PCDHA3: variants seen among roughly 807,000 people sequenced by gnomAD.
PCDHA3 encodes protocadherin alpha 3.
A neutral mutation model predicts 62.2 loss-of-function variants in PCDHA3; 41 were observed. The ratio of observed to expected loss-of-function variants is 0.66; its 90% CI spans 0.51 to 0.86. PCDHA3 has a LOEUF of 0.86. PCDHA3 is among the 40% of genes least tolerant of loss of function. The pLI, the probability that PCDHA3 is intolerant of heterozygous loss-of-function variation, is 0.00. For missense variants in PCDHA3, 1,304 were observed against 1,241.2 expected, an observed-to-expected ratio of 1.05 and a Z score of -0.76; for synonymous variants, 640 against 555.4, an observed-to-expected ratio of 1.15 and a Z score of -2.14.
chr5:140,829,517 A>G, intron 1 of PCDHA3: 1 of 1,613,440 alleles, frequency 6.2e-7, no homozygotes. Context: ...CCACATCTTC[A>G]CGGTGTCTGC....
chr5:140,927,313 G>A (rs1229449253), intron 1 of PCDHA3: 6 of 1,614,074 alleles, frequency 3.7e-6, no homozygotes, highest in Admixed American at 3.3e-5. Context: ...GACGCCCGGA[G>A]CCCGCTTTAC....
At chr5:140,889,724 T>C (rs1198530950) in intron 1 of PCDHA3, among the ~76,000 whole-genome samples, 6 of 152,216 alleles carry the variant, frequency 3.9e-5, no homozygotes, top group African/African-American at 1.4e-4. Context: ...TGCTACTGTC[T>C]CACTGAGTAG....
At chr5:140,826,295 T>C (rs936001981) in intron 1 of PCDHA3, among the ~76,000 whole-genome samples, 18 of 152,306 alleles carry the variant, frequency 1.2e-4, no homozygotes, top group African/African-American at 4.1e-4. Context: ...GTCTTTTTTA[T>C]AGGAACCTCT....
chr5:140,966,057 G>A (rs2153745793), intron 1 of PCDHA3, among the ~76,000 whole-genome samples: 1 of 152,318 alleles, frequency 6.6e-6, no homozygotes, highest in East Asian at 1.9e-4. Flanking sequence ...TAACCCCAGA[G>A]CGCCTCCCCC....
chr5:141,008,766 A>G (rs2098390228), intron 3 of PCDHA3, among the ~76,000 whole-genome samples: 1 of 152,246 alleles, frequency 6.6e-6, no homozygotes, highest in Non-Finnish European at 1.5e-5. Context: ...TTTGGCTTGG[A>G]AAGTAAAATT....
chr5:140,838,785 G>T (rs1377417578), intron 1 of PCDHA3, among the ~76,000 whole-genome samples: 2 of 151,968 alleles, frequency 1.3e-5, no homozygotes, highest in Non-Finnish European at 2.9e-5. Context: ...AGCTATGCAT[G>T]GTGATGCATG....
intron 1 of PCDHA3, among the ~76,000 whole-genome samples, chr5:140,878,493 C>A (rs1339637878): frequency 6.6e-6 from 1 of 152,008 alleles, no homozygotes; most frequent in Non-Finnish European, 1.5e-5. Context: ...AATATTTAAC[C>A]ATCTGTACGA....
intron 1 of PCDHA3, among the ~76,000 whole-genome samples, chr5:140,961,132 T>G (rs1186627628): frequency 6.6e-6 from 1 of 152,238 alleles, no homozygotes; most frequent in Admixed American, 6.5e-5. Context: ...GTCTTGGCAC[T>G]TAAGAGTTGG....
intron 1 of PCDHA3, chr5:140,857,957 G>T (rs2045052132): frequency 6.3e-7 from 1 of 1,597,294 alleles, no homozygotes; most frequent in African/African-American, 1.3e-5. Flanking sequence ...GCGCGCTCTG[G>T]ATGAGACTGA....
chr5:140,815,120 T>C (rs1765657853), intron 1 of PCDHA3: 1 of 152,118 alleles, frequency 6.6e-6, no homozygotes, highest in Non-Finnish European at 1.5e-5. Flanking sequence ...TATAATTGGG[T>C]CTTTAAAAAA....
intron 1 of PCDHA3, among the ~76,000 whole-genome samples, chr5:140,892,084 C>G (rs1233800772): frequency 6.6e-6 from 1 of 151,992 alleles, no homozygotes; most frequent in African/African-American, 2.4e-5. Flanking sequence ...TTCTAGTTTC[C>G]TCTCGAAACT....
chr5:140,935,765 A>G (rs1554210670), intron 1 of PCDHA3, among the ~76,000 whole-genome samples: 1 of 152,080 alleles, frequency 6.6e-6, no homozygotes, highest in Non-Finnish European at 1.5e-5. Flanking sequence ...ATTCTTCCCC[A>G]CTTTGAGTTT....
chr5:140,836,608 C>T (rs2150265408), intron 1 of PCDHA3: 1 of 1,613,636 alleles, frequency 6.2e-7, no homozygotes, highest in Non-Finnish European at 8.5e-7. Context: ...CTGGTGTGCT[C>T]CAGCGCGGTG....
At chr5:140,870,426 C>T in intron 1 of PCDHA3, 2 of 1,614,208 alleles carry the variant, frequency 1.2e-6, no homozygotes, top group South Asian at 2.2e-5. Context: ...CCAGGGTATC[C>T]GTGGAGGTGG....
At chr5:140,925,966 A>G (rs782294082) in intron 1 of PCDHA3, among the ~76,000 whole-genome samples, 2 of 149,366 alleles carry the variant, frequency 1.3e-5, no homozygotes, top group Non-Finnish European at 3.0e-5. Flanking sequence ...CTATCACGCA[A>G]AAAAAAAGCC....
At chr5:140,875,375 A>C in intron 1 of PCDHA3, 2 of 1,456,838 alleles carry the variant, frequency 1.4e-6, no homozygotes, top group East Asian at 5.0e-5. Flanking sequence ...AATTTACTAA[A>C]TATGTACTTA....
chr5:140,872,203 T>C (rs2053540668), intron 1 of PCDHA3, among the ~76,000 whole-genome samples: 1 of 152,208 alleles, frequency 6.6e-6, no homozygotes, highest in Non-Finnish European at 1.5e-5. Context: ...CATCATAAAT[T>C]CATTATATAT....
At chr5:141,005,199 C>T (rs2098200928) in intron 3 of PCDHA3, among the ~76,000 whole-genome samples, 1 of 152,208 alleles carries the variant, frequency 6.6e-6, no homozygotes, top group African/African-American at 2.4e-5. Flanking sequence ...TCCTTTCATT[C>T]ATTCATCCAG....
chr5:140,870,260 G>C, intron 1 of PCDHA3: 3 of 1,614,200 alleles, frequency 1.9e-6, no homozygotes, highest in Non-Finnish European at 2.5e-6. Flanking sequence ...CAGGTGACCT[G>C]CTCGCTGACG....
Sources: allele counts gnomAD v4.1 joint callset (sites outside exome capture counted in the v4.1 genomes callset), GRCh38; gene constraint gnomAD v4.1.1; transcripts MANE v1.5; gene names NCBI Gene and HGNC (gene_info 2026-07-23, HGNC 2026-07-21).